Variants in PATJ observed in about 807,000 individuals in gnomAD.
PATJ encodes the protein PATJ crumbs cell polarity complex component, also known as inaD-like protein.
In PATJ, 190 loss-of-function variants were observed where a neutral mutation model predicts 224.9. That is an observed-to-expected ratio of 0.84 (90% confidence interval 0.75 to 0.95). The LOEUF (loss-of-function observed/expected upper bound fraction) is 0.95, where lower values mean the gene tolerates loss of function less well. PATJ is among the 40% of genes least tolerant of loss of function. The pLI is 0.00. For synonymous variants in PATJ, 769 were observed against 820.3 expected, an observed-to-expected ratio of 0.94 and a Z score of 1.07; for missense variants, 2,121 against 2,270.3, an observed-to-expected ratio of 0.93 and a Z score of 1.34.
At chr1:61,832,160 G>T (rs551710684) in intron 16 of PATJ, among the ~76,000 whole-genome samples, 52 of 152,142 alleles carry the variant, frequency 3.4e-4, no homozygotes, top group African/African-American at 1.3e-3. Flanking sequence ...AACAATATAC[G>T]CTGGGGCCTA....
At chr1:61,941,623 C>G (rs1677836817) in intron 27 of PATJ, among the ~76,000 whole-genome samples, 1 of 151,988 alleles carries the variant, frequency 6.6e-6, no homozygotes, top group Non-Finnish European at 1.5e-5. Flanking sequence ...TGCACTCCAG[C>G]CTGGGCAACA....
chr1:62,024,910 G>GT (rs1422672937), intron 29 of PATJ, among the ~76,000 whole-genome samples: 1 of 152,076 alleles, frequency 6.6e-6, no homozygotes, highest in Non-Finnish European at 1.5e-5. Flanking sequence ...TAGAGCCACA[G>GT]TGCCCTGGCC....
chr1:61,945,091 A>G (rs533587585), intron 27 of PATJ, among the ~76,000 whole-genome samples: 10 of 152,376 alleles, frequency 6.6e-5, no homozygotes, highest in Admixed American at 5.2e-4. Context: ...AAACATGGAA[A>G]GTAACAACCG....
At chr1:61,814,547 T>TGCGCGCGCGCGCGC (rs1553168028) in intron 14 of PATJ, among the ~76,000 whole-genome samples, 5 of 142,492 alleles carry the variant, frequency 3.5e-5, no homozygotes, top group African/African-American at 1.3e-4. Context: ...TGTGTGTGTG[T>TGCGCGCGCGCGCGC]GCGCGCGCGC....
chr1:62,150,602 A>C (rs1467415527), intron 42 of PATJ, among the ~76,000 whole-genome samples: 1 of 143,382 alleles, frequency 7.0e-6, no homozygotes, highest in Admixed American at 7.3e-5. Context: ...ACTTGAACCC[A>C]GGAGTTTGAG....
chr1:61,951,102 G>A lies in PATJ; in HGVS notation c.3670+23273G>A, dbSNP rs554051681. 6.6e-5 allele frequency among the ~76,000 whole-genome samples: 10 copies of A among 151,252 alleles called. No individual in the cohort carries two copies. In the South Asian group the frequency reaches 1.5e-3, roughly 22 times the overall value. ...TGGAGTTGCAGTAAGCCAAGGTCGC[G>A]CCTCTGCACTTCAGCCTGGGCAACA... is the stretch of plus-strand genomic sequence containing the variant. On this transcript the variant is annotated intron_variant, in intron 27 of 43. Transcript: ENST00000642238.
chr1:62,041,455 ATG>A lies in PATJ; in HGVS notation c.4032+3409_4032+3410del, dbSNP rs549997495. Among the ~76,000 whole-genome samples, 13 of 152,290 alleles carry A rather than the reference ATG, an allele frequency of 8.5e-5. No individual in the cohort carries two copies. In the East Asian group the frequency reaches 1.9e-3, roughly 23 times the overall value. On this transcript the variant is annotated intron_variant, in intron 30 of 43. Transcript: ENST00000642238. ...AGGCAAAAGCTCCAGTGAGGCCCTA[ATG>A]TGGCTTGGATGAAGTGTTGGTATTG... is the stretch of plus-strand genomic sequence containing the variant.
At chr1:61,797,508 GT>G (rs1651595203) in intron 11 of PATJ, 80 bp downstream of exon 11, 1 of 1,228,600 alleles carries the variant, frequency 8.1e-7, no homozygotes, top group South Asian at 1.3e-5. Flanking sequence ...TGCTCCATGA[GT>G]CTCAGCAGGA....
chr1:61,903,250 C>T (rs1671436990), intron 24 of PATJ, among the ~76,000 whole-genome samples: 4 of 152,098 alleles, frequency 2.6e-5, no homozygotes, highest in Admixed American at 2.6e-4. Flanking sequence ...GCGGCCTGGA[C>T]CAGGAGGAGA....
At chr1:62,024,227 A>G (rs941739711) in intron 29 of PATJ, among the ~76,000 whole-genome samples, 9 of 152,076 alleles carry the variant, frequency 5.9e-5, no homozygotes, top group African/African-American at 1.9e-4. Flanking sequence ...TGAGTTAGAG[A>G]GGTGCCCCTC....
intron 41 of PATJ, among the ~76,000 whole-genome samples, chr1:62,146,856 A>C (rs191224100): frequency 3.3e-5 from 5 of 152,260 alleles, no homozygotes; most frequent in Non-Finnish European, 7.4e-5. Context: ...GGGTTGTGAG[A>C]GACAGAGATG....
chr1:61,921,763 G>T (rs934198587), intron 26 of PATJ, among the ~76,000 whole-genome samples: 11 of 152,176 alleles, frequency 7.2e-5, no homozygotes, highest in Non-Finnish European at 1.5e-5. Context: ...CAGATCAGGG[G>T]TTCCTTGGGA....
intron 28 of PATJ, among the ~76,000 whole-genome samples, chr1:61,993,434 A>G (rs1645178132): frequency 6.6e-6 from 1 of 152,146 alleles, no homozygotes. Flanking sequence ...TTAAGGCTTC[A>G]TCATGTAGGC....
intron 28 of PATJ, among the ~76,000 whole-genome samples, chr1:62,013,076 T>A (rs1646546652): frequency 6.6e-6 from 1 of 152,268 alleles, no homozygotes; most frequent in Non-Finnish European, 1.5e-5. Context: ...GCTTTGCCTT[T>A]CCACTGCCAG....
At chr1:62,127,829 C>T in intron 39 of PATJ, 143 bp from the exon 40 acceptor site, 1 of 722,844 alleles carries the variant, frequency 1.4e-6, no homozygotes, top group Non-Finnish European at 2.2e-6. Context: ...GCTGTCTACT[C>T]CAAAGGTTCC....
chr1:61,808,201 A>G (rs1653967101), intron 13 of PATJ, among the ~76,000 whole-genome samples: 1 of 152,178 alleles, frequency 6.6e-6, no homozygotes, highest in Non-Finnish European at 1.5e-5. Context: ...GGGGTCATGG[A>G]TTTTTAAAAA....
intron 26 of PATJ, among the ~76,000 whole-genome samples, chr1:61,921,965 T>A (rs761652904): frequency 1.4e-4 from 22 of 152,188 alleles, no homozygotes; most frequent in Non-Finnish European, 2.9e-4. Context: ...ACAAAAAAAA[T>A]TCCTGCTGTC....
At chr1:62,096,912 C>T (rs969829461) in intron 33 of PATJ, among the ~76,000 whole-genome samples, 4 of 152,136 alleles carry the variant, frequency 2.6e-5, no homozygotes, top group Admixed American at 6.5e-5. Context: ...CCACTGCGCC[C>T]GGCCCAACAT....
intron 14 of PATJ, among the ~76,000 whole-genome samples, chr1:61,819,740 G>C (rs1464960821): frequency 6.6e-6 from 1 of 152,154 alleles, no homozygotes; most frequent in Non-Finnish European, 1.5e-5. Flanking sequence ...TGAGCTGAGA[G>C]GCAATGCACA....
Sources: allele counts gnomAD v4.1 joint callset (sites outside exome capture counted in the v4.1 genomes callset), GRCh38; gene constraint gnomAD v4.1.1; transcripts MANE v1.5; gene names NCBI Gene and HGNC (gene_info 2026-07-23, HGNC 2026-07-21).